ASB4: variants seen among roughly 807,000 people sequenced by gnomAD.
ASB4 encodes ankyrin repeat and SOCS box containing 4.
A neutral mutation model predicts 38.6 loss-of-function variants in ASB4; 35 were observed. The observed-to-expected ratio is 0.91, with a 90% CI of 0.69 to 1.20. The LOEUF is 1.20. ASB4 is among the 50% of genes most tolerant of loss of function. The probability of loss-of-function intolerance (pLI) is 0.00; values close to 1 mark genes in which losing one functional copy is unlikely to be tolerated. For synonymous variants in ASB4, 195 were observed against 201.3 expected, an observed-to-expected ratio of 0.97 and a Z score of 0.26; for missense variants, 557 against 527.2, an observed-to-expected ratio of 1.06 and a Z score of -0.55.
At chr7:95,522,024 A>G (rs1790670122) in intron 2 of ASB4, among the ~76,000 whole-genome samples, 1 of 152,116 alleles carries the variant, frequency 6.6e-6, no homozygotes, top group South Asian at 2.1e-4. Flanking sequence ...ACAGGTGTCA[A>G]TATTTTCTGG....
chr7:95,498,987 A>G lies in ASB4; in HGVS notation c.487+2930A>G, dbSNP rs148278044. The stretch of plus-strand genomic sequence containing the variant: ...TGGGTTTATTTCTGGACTCCAGCCT[A>G]TTCCATTGACCTATATATCTTTTTA... On this transcript the variant is annotated intron_variant, in intron 2 of 4. Coordinates refer to ENST00000325885, the MANE Select transcript of ASB4 (RefSeq NM_016116.3). Among the ~76,000 whole-genome samples, 64 of 152,278 alleles carry G rather than the reference A, an allele frequency of 4.2e-4. No homozygotes were observed. In the East Asian group the frequency reaches 8.1e-3, roughly 19 times the overall value.
Position 95,486,075 on chromosome 7 carries a change from C to A in ASB4, c.104C>A (p.Ala35Asp). Residue 35 changes from alanine (A) to aspartate (D), a missense_variant, in exon 1 of 5, where the codon GCT becomes GAT. Transcript: ENST00000325885. ...TCCAATGACTTCGGAAAATTGAAGG[C>A]TATTTTGATCCAAAGGCAAATAGAT... Reference protein sequence around the residue: ...LKSNDFGKLKAILIQRQIDVD... With the variant: ...LKSNDFGKLKDILIQRQIDVD... The A allele has an allele frequency of 6.2e-7, 1 of 1,614,006 alleles. No homozygotes were observed. Among genetic ancestry groups the A allele is most frequent in the Non-Finnish European group, 8.5e-7 (1 of 1,179,948 alleles).
chr7:95,524,611 C>T (rs1790711961), intron 2 of ASB4, among the ~76,000 whole-genome samples: 1 of 152,154 alleles, frequency 6.6e-6, no homozygotes, highest in South Asian at 2.1e-4. Context: ...GTTCAAGTTC[C>T]AACCTCCAAT....
Position 95,530,315 on chromosome 7 carries a change from A to C in ASB4, c.978+2012A>C, listed in dbSNP as rs532331398. On this transcript the variant is annotated intron_variant, in intron 3 of 4. Coordinates refer to ENST00000325885, the MANE Select transcript of ASB4 (RefSeq NM_016116.3). Reference sequence around the variant, plus strand: ...CCCTGTCTCTAATAAAATACAAAAAATTAGCTGGGTGTTGTGGCGTGCGCC... The same window carrying C: ...CCCTGTCTCTAATAAAATACAAAAACTTAGCTGGGTGTTGTGGCGTGCGCC... Among the ~76,000 whole-genome samples, 3 of 152,150 alleles carry C rather than the reference A, an allele frequency of 2.0e-5. No individual in the cohort carries two copies. In the South Asian group the frequency reaches 6.3e-4, roughly 32 times the overall value.
intron 4 of ASB4, 58 bp downstream of exon 4, chr7:95,536,608 A>T (rs1394204477): frequency 7.3e-6 from 9 of 1,239,494 alleles, no homozygotes; most frequent in Non-Finnish European, 1.0e-5. Context: ...AGACTGCTCT[A>T]GAAGTACAGA....
rs1562816891 is a variant in ASB4 at position 95,515,169 on chromosome 7, CTTTCTTTCTTTCTTTCTT to C, written c.488-12642_488-12625del. On this transcript the variant is annotated intron_variant, in intron 2 of 4. Transcript: ENST00000325885. ...TTTTTCTTTCTTTCTTTCTCTTTCT[CTTTCTTTCTTTCTTTCTT>C]TCTTTCTTTCTTTCTTTCTTTCTTT... Among the ~76,000 whole-genome samples the C allele has an allele frequency of 6.7e-3, 379 of 56,340 alleles. 1 individual carries two copies. The highest frequency in any genetic ancestry group is 0.02 in the South Asian group (33 of 1,644). 37.0% of individuals were successfully genotyped at this position (56,340 alleles called of 152,430 possible).
chr7:95,486,883 A>G (rs904810747), intron 1 of ASB4, among the ~76,000 whole-genome samples: 4 of 152,256 alleles, frequency 2.6e-5, no homozygotes, highest in African/African-American at 9.6e-5. Flanking sequence ...TTAATAAATC[A>G]GAAATGAATT....
chr7:95,537,803 C>A lies in ASB4; in HGVS notation c.*44C>A. 2 of 1,546,876 alleles carry A rather than the reference C, an allele frequency of 1.3e-6. No homozygotes were observed. The highest frequency in any genetic ancestry group is 2.4e-5 in the South Asian group (2 of 84,784). ...TCCCAATCCTAGGTATTTAAGTGGA[C>A]TTGCTGGGTAGACACAGTTTGCCTA... On this transcript the variant is annotated 3_prime_UTR_variant, in exon 5 of 5. Coordinates refer to ENST00000325885, the MANE Select transcript of ASB4 (RefSeq NM_016116.3).
At chr7:95,516,977 A>G (rs1790592668) in intron 2 of ASB4, among the ~76,000 whole-genome samples, 2 of 152,112 alleles carry the variant, frequency 1.3e-5, no homozygotes, top group Non-Finnish European at 1.5e-5. Flanking sequence ...CTATCCAACT[A>G]TATATAATCT....
At chr7:95,496,263 G>T (rs1292591986) in intron 2 of ASB4, 2 of 485,214 alleles carry the variant, frequency 4.1e-6, no homozygotes, top group African/African-American at 1.9e-5. Context: ...ATAGCAGGAA[G>T]TTCATTCATT....
At chr7:95,479,397 A>AC in intron 1 of ASB4, among the ~76,000 whole-genome samples, 1 of 152,302 alleles carries the variant, frequency 6.6e-6, no homozygotes, top group East Asian at 1.9e-4. Flanking sequence ...GATTTTTACA[A>AC]CCCTGGTAAT....
intron 2 of ASB4, among the ~76,000 whole-genome samples, chr7:95,527,424 G>A (rs1230359681): frequency 1.3e-5 from 2 of 152,226 alleles, no homozygotes; most frequent in Non-Finnish European, 2.9e-5. Flanking sequence ...GTCAAGTGTT[G>A]TGACATAACA....
chr7:95,528,561 T>G, intron 3 of ASB4: 9 of 1,411,922 alleles, frequency 6.4e-6, no homozygotes, highest in Non-Finnish European at 6.4e-6. Context: ...TGAACACCAG[T>G]GCACTGGTGG....
intron 2 of ASB4, among the ~76,000 whole-genome samples, chr7:95,510,206 C>T (rs569375507): frequency 4.3e-4 from 66 of 152,104 alleles, no homozygotes; most frequent in East Asian, 2.9e-3. Context: ...ATGTTTCTTC[C>T]GAAATGAGTC....
At chr7:95,500,568 C>CAAAAA (rs771099175) in intron 2 of ASB4, among the ~76,000 whole-genome samples, 5 of 41,014 alleles carry the variant, frequency 1.2e-4, no homozygotes, top group African/African-American at 3.8e-4. Context: ...AGATCTGTCT[C>CAAAAA]AAAAAAAAAA....
intron 3 of ASB4, among the ~76,000 whole-genome samples, chr7:95,533,763 C>T (rs970926056): frequency 1.3e-5 from 2 of 152,148 alleles, no homozygotes; most frequent in Admixed American, 1.3e-4. Context: ...AATATAGGAC[C>T]AACCTCATAG....
chr7:95,528,907 T>A, intron 3 of ASB4: 1 of 185,028 alleles, frequency 5.4e-6, no homozygotes, highest in Non-Finnish European at 1.0e-5. Flanking sequence ...GTAGCTTACC[T>A]GAGCTCCCAC....
In ASB4 at chr7:95,486,061, C is replaced by T. The variant is rs771135306; in HGVS notation, c.90C>T (p.Phe30=). ...TTGAGGCGCTAAAGTCCAATGACTT[C>T]GGAAAATTGAAGGCTATTTTGATCC... is the stretch of plus-strand genomic sequence containing the variant. The part of the protein sequence containing the change: ...NFLEALKSND[F]GKLKAILIQR... The change falls in exon 1 of 5, where the codon TTC becomes TTT. Residue 30 remains phenylalanine (F), a synonymous_variant. Transcript: ENST00000325885. 39 of 1,613,836 alleles carry T rather than the reference C, an allele frequency of 2.4e-5. No homozygotes were observed. Among genetic ancestry groups the T allele is most frequent in the Non-Finnish European group, 2.5e-5 (30 of 1,179,974 alleles).
chr7:95,502,043 A>G (rs1790345690), intron 2 of ASB4, among the ~76,000 whole-genome samples: 1 of 152,076 alleles, frequency 6.6e-6, no homozygotes, highest in African/African-American at 2.4e-5. Context: ...AATATTTGAG[A>G]CTATATGACA....
Sources: allele counts gnomAD v4.1 joint callset (sites outside exome capture counted in the v4.1 genomes callset), GRCh38; gene constraint gnomAD v4.1.1; transcripts MANE v1.5; gene names NCBI Gene and HGNC (gene_info 2026-07-23, HGNC 2026-07-21).